The following NEK5 variants were observed in gnomAD, a reference collection of about 807,000 sequenced individuals.
The protein encoded by NEK5 is NIMA related kinase 5.
Under a neutral mutation model 109.2 loss-of-function variants are expected in NEK5, and 88 were observed. The observed-to-expected ratio is 0.81, with a 90% CI of 0.68 to 0.96. NEK5 has a LOEUF of 0.96. NEK5 is among the 40% of genes least tolerant of loss of function. The probability of loss-of-function intolerance (pLI) is 0.00; values close to 1 mark genes in which losing one functional copy is unlikely to be tolerated. For synonymous variants in NEK5, 283 were observed against 299.9 expected (o/e 0.94, Z 0.58); for missense variants, 834 against 920.7 (o/e 0.91, Z 1.22).
At chr13:52,070,492 G>A (rs1360516688) in intron 20 of NEK5, among the ~76,000 whole-genome samples, 7 of 152,136 alleles carry the variant, frequency 4.6e-5, no homozygotes, top group African/African-American at 7.2e-5. Flanking sequence ...TGCTGTTCTC[G>A]TGATGGTGAA....
At chr13:52,039,306 A>C (rs946498716) in intron 23 of NEK5, among the ~76,000 whole-genome samples, 1 of 152,192 alleles carries the variant, frequency 6.6e-6, no homozygotes, top group Non-Finnish European at 1.5e-5. Flanking sequence ...CTGGGAAGGA[A>C]GCTGACCAGG....
rs1954786457 is a variant in NEK5 at position 52,071,700 on chromosome 13, C to T, written c.1849+244G>A. 2.0e-5 allele frequency among the ~76,000 whole-genome samples: 3 copies of T among 152,118 alleles called. No individual in the cohort carries two copies. The South Asian group carries it at 6.2e-4, about 32-fold the overall frequency. ...ATGAGAAAGACTGGTAAGTCTGGAG[C>T]TCCTGGGAGAAGCCAAAGCTGCAAG... On this transcript the variant is annotated intron_variant, in intron 20 of 23. Transcript: ENST00000684899.
At chr13:52,100,146 A>G (rs1228907495) in intron 11 of NEK5, among the ~76,000 whole-genome samples, 1 of 152,204 alleles carries the variant, frequency 6.6e-6, no homozygotes, top group Non-Finnish European at 1.5e-5. Context: ...TAATATTAAC[A>G]TTTACAGAAA....
chr13:52,038,766 A>G (rs941605063), intron 23 of NEK5, among the ~76,000 whole-genome samples: 5 of 149,938 alleles, frequency 3.3e-5, no homozygotes, highest in African/African-American at 9.8e-5. Flanking sequence ...TTACAGTTGT[A>G]ATGAGCTATG....
intron 3 of NEK5, among the ~76,000 whole-genome samples, chr13:52,123,943 T>C (rs1956018249): frequency 6.6e-6 from 1 of 151,972 alleles, no homozygotes; most frequent in African/African-American, 2.4e-5. Context: ...AAGTAGGGTA[T>C]GTGATAGGAG....
chr13:52,063,759 G>T (rs983861577), intron 21 of NEK5, among the ~76,000 whole-genome samples: 11 of 151,298 alleles, frequency 7.3e-5, no homozygotes, highest in Non-Finnish European at 1.3e-4. Flanking sequence ...TCTCTGCCCG[G>T]CCACCCCATC....
intron 3 of NEK5, among the ~76,000 whole-genome samples, chr13:52,126,192 A>G (rs930573272): frequency 9.2e-5 from 14 of 152,208 alleles, no homozygotes; most frequent in African/African-American, 2.9e-4. Context: ...AACAATGGAC[A>G]TTGTTGTCCC....
At chr13:52,127,886 A>G (rs1365792440) in intron 1 of NEK5, among the ~76,000 whole-genome samples, 3 of 152,186 alleles carry the variant, frequency 2.0e-5, no homozygotes, top group African/African-American at 7.2e-5. Flanking sequence ...AGGCTTGTGC[A>G]CTTTTATAGT....
At position 52,102,216 on chromosome 13, in the gene NEK5, G is replaced by GA. The variant is rs1955553150; in HGVS notation, c.685dup (p.Ser229PhefsTer3). On this transcript the variant is annotated frameshift_variant, in exon 10 of 24. Transcript: ENST00000684899. LOFTEE classifies it high-confidence loss of function. The stretch of plus-strand genomic sequence containing the variant: ...AGATATCAAGGAATGGAGCTCACGA[G>GA]AAAACCCCGGAGATATTGGGGCAAA... The GA allele has an allele frequency of 6.2e-6, 10 of 1,614,000 alleles. No individual in the cohort carries two copies. The highest frequency in any genetic ancestry group is 6.8e-6 in the Non-Finnish European group (8 of 1,179,876).
At chr13:52,080,297 G>C (rs1276268146) in intron 17 of NEK5, among the ~76,000 whole-genome samples, 1 of 147,702 alleles carries the variant, frequency 6.8e-6, no homozygotes, top group African/African-American at 2.5e-5. Context: ...CCGGCCAGCC[G>C]CCTCGTCCGG....
chr13:52,063,538 T>A (rs1954633763), intron 21 of NEK5, among the ~76,000 whole-genome samples: 1 of 146,090 alleles, frequency 6.8e-6, no homozygotes, highest in African/African-American at 2.5e-5. Context: ...CCGCCCATCG[T>A]CTGGGACGTG....
chr13:52,107,264 T>C, intron 8 of NEK5, among the ~76,000 whole-genome samples: 1 of 151,584 alleles, frequency 6.6e-6, no homozygotes, highest in African/African-American at 2.4e-5. Context: ...ACTGTTTCTA[T>C]ACTGAGTGGT....
At chr13:52,080,553 A>T (rs1163961990) in intron 17 of NEK5, among the ~76,000 whole-genome samples, 2 of 152,208 alleles carry the variant, frequency 1.3e-5, no homozygotes, top group Non-Finnish European at 2.9e-5. Context: ...AGTAAGAAAA[A>T]TTCTTCTGCC....
chr13:52,077,406 G>A (rs1465821941), intron 17 of NEK5, among the ~76,000 whole-genome samples: 1 of 152,210 alleles, frequency 6.6e-6, no homozygotes, highest in East Asian at 1.9e-4. Flanking sequence ...GAAAACCAAT[G>A]AGACAAGCCC....
chr13:52,056,775 A>T (rs1304738730), intron 22 of NEK5, among the ~76,000 whole-genome samples: 4 of 151,890 alleles, frequency 2.6e-5, no homozygotes, highest in Admixed American at 2.0e-4. Context: ...ACATACCAGA[A>T]TCTCTGGGAC....
At chr13:52,107,427 C>T (rs1593988375) in intron 8 of NEK5, among the ~76,000 whole-genome samples, 1 of 152,044 alleles carries the variant, frequency 6.6e-6, no homozygotes, top group East Asian at 1.9e-4. Flanking sequence ...TCCATCTCTA[C>T]TAAAAACACA....
chr13:52,085,075 T>C (rs1955112509), intron 16 of NEK5, among the ~76,000 whole-genome samples: 1 of 152,138 alleles, frequency 6.6e-6, no homozygotes, highest in Non-Finnish European at 1.5e-5. Context: ...CACCCAAATC[T>C]CACCTTGAAT....
chr13:52,037,383 T>A (rs112570381), intron 23 of NEK5, among the ~76,000 whole-genome samples, 165 bp from the exon 24 acceptor site: 2 of 152,326 alleles, frequency 1.3e-5, no homozygotes, highest in African/African-American at 4.8e-5. Context: ...GGAGAATCAG[T>A]CTTCTGTTGA....
chr13:52,054,334 G>C (rs944368223), intron 22 of NEK5, among the ~76,000 whole-genome samples: 3 of 152,178 alleles, frequency 2.0e-5, no homozygotes, highest in African/African-American at 7.2e-5. Flanking sequence ...TTGTTTGTTT[G>C]TTTAGAGTTG....
Sources: gnomAD v4.1 joint callset for allele counts (sites outside exome capture counted in the v4.1 genomes callset) on GRCh38, gnomAD v4.1.1 for gene constraint, MANE v1.5 for transcripts, NCBI Gene and HGNC (gene_info 2026-07-23, HGNC 2026-07-21) for gene names.